BCL2L14: variants seen among roughly 807,000 people sequenced by gnomAD.
The protein encoded by BCL2L14 is BCL2 like 14, also known as apoptosis facilitator Bcl-2-like protein 14.
A neutral mutation model predicts 35.3 loss-of-function variants in BCL2L14; 27 were observed. That is an observed-to-expected ratio of 0.76 (90% confidence interval 0.56 to 1.05). BCL2L14 has a LOEUF of 1.05. BCL2L14 is among the 50% of genes least tolerant of loss of function. BCL2L14 has a pLI of 0.00. For synonymous variants in BCL2L14, 139 were observed against 145.9 expected (o/e 0.95, Z 0.34); for missense variants, 377 against 382.6 (o/e 0.99, Z 0.12).
At chr12:12,054,346 T>C (rs911279610) in intron 2 of BCL2L14, among the ~76,000 whole-genome samples, 2 of 151,760 alleles carry the variant, frequency 1.3e-5, no homozygotes, top group African/African-American at 4.8e-5. Flanking sequence ...CTACTAAAAA[T>C]ACAAAAAATT....
rs543103992 is a variant in BCL2L14 at position 12,072,552 on chromosome 12, C to A, written c.-8+1415C>A. The A allele has an allele frequency of 3.9e-5, 6 of 152,330 alleles. No individual in the cohort carries two copies. The East Asian group carries it at 7.7e-4, about 20-fold the overall frequency. The allele number at this position is 152,330 out of a possible 1,614,324, so 9.4% of individuals were successfully genotyped here. A position where few individuals can be genotyped will look rare whatever the true frequency, so the allele number is the denominator to read the frequency against. On this transcript the variant is annotated intron_variant, in intron 1 of 5. Coordinates refer to ENST00000308721, the MANE Select transcript of BCL2L14 (RefSeq NM_138723.2). ...CAGTGAAGCAGGGTTGTGTCCTCTG[C>A]GGCCCTGAATTAGAATAAGCCTCAC...
chr12:12,095,552 A>G lies in BCL2L14; in HGVS notation c.945+622A>G, dbSNP rs140153179. 1.3e-3 allele frequency: 1,266 copies of G among 985,360 alleles called. 13 individuals carry two copies. The African/African-American group carries it at 0.02, about 15-fold the overall frequency. 61.0% of individuals were successfully genotyped at this position (985,360 alleles called of 1,614,324 possible). A position where few individuals can be genotyped will look rare whatever the true frequency, so the allele number is the denominator to read the frequency against. On this transcript the variant is annotated intron_variant, in intron 5 of 5. Transcript: ENST00000308721. ...TTCCTCAGGTCTCCTTAAGACTGCC[A>G]TGTTCAAACAGCTACATAAGGTCCA...
Position 12,079,547 on chromosome 12 carries a change from A to C in BCL2L14, c.242A>C (p.Glu81Ala). 1 of 1,614,236 alleles carries C rather than the reference A, an allele frequency of 6.2e-7. No individual in the cohort carries two copies. Among genetic ancestry groups the C allele is most frequent in the Non-Finnish European group, 8.5e-7 (1 of 1,180,046 alleles). The change falls in exon 2 of 6, where the codon GAG becomes GCG. Residue 81 changes from glutamate (E) to alanine (A), a missense_variant. Glu to Ala is a moderately radical substitution (Grantham distance 107). Coordinates refer to ENST00000308721, the MANE Select transcript of BCL2L14 (RefSeq NM_138723.2). ...SWPCRNSQSS[E>A]KAINLGKKKS... ...CCTTGCAGAAATTCCCAATCCAGTG[A>C]GAAGGCCATAAACCTTGGCAAGAAA...
chr12:12,053,031 T>G (rs2961555), intron 2 of BCL2L14, among the ~76,000 whole-genome samples: 47,833 of 152,028 alleles, frequency 0.31, 7,860 homozygotes, highest in African/African-American at 0.42. Flanking sequence ...TCAGGTCCCT[T>G]GGGGACATGG....
intron 5 of BCL2L14, among the ~76,000 whole-genome samples, chr12:12,096,352 C>A (rs924798663): frequency 6.7e-6 from 1 of 149,636 alleles, no homozygotes; most frequent in Admixed American, 6.7e-5. Flanking sequence ...TGGTTCTACA[C>A]CAAAAGCACA....
At chr12:12,056,893 T>C (rs1408560369) in intron 2 of BCL2L14, among the ~76,000 whole-genome samples, 2 of 152,132 alleles carry the variant, frequency 1.3e-5, no homozygotes, top group Non-Finnish European at 2.9e-5. Flanking sequence ...GCTAGATGCA[T>C]CTCAATCAAT....
At chr12:12,052,863 C>A (rs919779270) in intron 2 of BCL2L14, among the ~76,000 whole-genome samples, 1 of 152,192 alleles carries the variant, frequency 6.6e-6, no homozygotes, top group Non-Finnish European at 1.5e-5. Flanking sequence ...AAGGAGTATA[C>A]GTCTGAGCAT....
intron 2 of BCL2L14, among the ~76,000 whole-genome samples, chr12:12,065,927 A>C (rs1948588538): frequency 6.6e-6 from 1 of 152,004 alleles, no homozygotes; most frequent in Non-Finnish European, 1.5e-5. Flanking sequence ...AGTAGCTGAG[A>C]TTACAGGCAC....
At chr12:12,058,901 C>T (rs1948476189) in intron 2 of BCL2L14, among the ~76,000 whole-genome samples, 1 of 152,336 alleles carries the variant, frequency 6.6e-6, no homozygotes, top group East Asian at 1.9e-4. Context: ...CCAAGCAGCC[C>T]AAGAAACATC....
At chr12:12,094,107 T>TTA (rs1555095169) in intron 4 of BCL2L14, among the ~76,000 whole-genome samples, 1 of 142,780 alleles carries the variant, frequency 7.0e-6, no homozygotes, top group Non-Finnish European at 1.5e-5. Context: ...AACCCTGTCT[T>TTA]AAAAAAAAAA....
intron 2 of BCL2L14, among the ~76,000 whole-genome samples, chr12:12,081,817 G>A (rs1354733590): frequency 2.0e-5 from 3 of 152,058 alleles, no homozygotes; most frequent in Non-Finnish European, 4.4e-5. Context: ...TTGGGCTCCC[G>A]AAGTGCTGGG....
At chr12:12,074,058 A>G (rs1389783185) in intron 1 of BCL2L14, among the ~76,000 whole-genome samples, 1 of 152,186 alleles carries the variant, frequency 6.6e-6, no homozygotes, top group East Asian at 1.9e-4. Flanking sequence ...AATAACAAAT[A>G]TAAGTGTCTT....
chr12:12,053,759 G>A (rs1039784053), intron 2 of BCL2L14, among the ~76,000 whole-genome samples: 1 of 152,118 alleles, frequency 6.6e-6, no homozygotes, highest in Non-Finnish European at 1.5e-5. Flanking sequence ...AGCCTCAGAC[G>A]ACACTGGCTT....
chr12:12,083,975 G>A (rs936275449), intron 2 of BCL2L14, among the ~76,000 whole-genome samples: 4 of 152,170 alleles, frequency 2.6e-5, no homozygotes, highest in South Asian at 4.2e-4. Flanking sequence ...CCCTCAGCTC[G>A]TGGCTTCCAC....
At chr12:12,067,620 C>T (rs540584564), upstream of BCL2L14, among the ~76,000 whole-genome samples, 1 of 152,272 alleles carries the variant, frequency 6.6e-6, no homozygotes, top group East Asian at 1.9e-4. Flanking sequence ...TCCTGTGTCT[C>T]CTTTTTCTCA....
intron 2 of BCL2L14, among the ~76,000 whole-genome samples, chr12:12,064,893 T>C (rs1463013841): frequency 6.6e-6 from 1 of 152,250 alleles, no homozygotes; most frequent in East Asian, 1.9e-4. Context: ...ATCTCTGTAC[T>C]AAGAACGTCT....
intron 5 of BCL2L14, chr12:12,095,261 G>A (rs1441354114): frequency 1.4e-5 from 14 of 985,246 alleles, no homozygotes; most frequent in Admixed American, 1.2e-4. Flanking sequence ...TGCAGGCAAC[G>A]GAAGTCTGGC....
intron 2 of BCL2L14, among the ~76,000 whole-genome samples, chr12:12,052,216 C>T (rs1274031915): frequency 1.3e-5 from 2 of 152,180 alleles, no homozygotes; most frequent in African/African-American, 4.8e-5. Context: ...CATCACCTCA[C>T]AAACTTACCA....
chr12:12,095,001 T>C, intron 5 of BCL2L14, 71 bp downstream of exon 5: 1 of 1,533,828 alleles, frequency 6.5e-7, no homozygotes. Context: ...TTTTTTTTTT[T>C]TTAAATGAAG....
Sources: gnomAD v4.1 joint callset for allele counts (sites outside exome capture counted in the v4.1 genomes callset) on GRCh38, gnomAD v4.1.1 for gene constraint, MANE v1.5 for transcripts, NCBI Gene and HGNC (gene_info 2026-07-23, HGNC 2026-07-21) for gene names.